Variants in TMEM117 observed in about 807,000 individuals in gnomAD.
The protein encoded by TMEM117 is transmembrane protein 117.
Under a neutral mutation model 52.4 loss-of-function variants are expected in TMEM117, and 27 were observed. The ratio of observed to expected loss-of-function variants is 0.51; its 90% CI spans 0.38 to 0.71. TMEM117 has a LOEUF of 0.71. Ranked by LOEUF, TMEM117 falls within the 30% of genes least tolerant of loss-of-function variation. The probability of loss-of-function intolerance (pLI) is 0.00; values close to 1 mark genes in which losing one functional copy is unlikely to be tolerated. For missense variants in TMEM117, 556 were observed against 630.5 expected (o/e 0.88, Z 1.26); for synonymous variants, 215 against 206.3 (o/e 1.04, Z -0.36).
intron 7 of TMEM117, among the ~76,000 whole-genome samples, chr12:44,379,698 A>C (rs929407531): frequency 6.6e-6 from 1 of 152,190 alleles, no homozygotes; most frequent in African/African-American, 2.4e-5. Flanking sequence ...AAATTTCCAA[A>C]ATACTGTGCT....
At position 44,210,013 on chromosome 12, in the gene TMEM117, A is replaced by G. The variant is rs559791319; in HGVS notation, c.511-1277A>G. 2.0e-5 allele frequency among the ~76,000 whole-genome samples: 3 copies of G among 152,244 alleles called. No homozygotes were observed. In the South Asian group the frequency reaches 6.2e-4, roughly 32 times the overall value. ...TAAATGATTAAATTTCACCCATTTC[A>G]AGGCCACTGTTCAAAGCTATACTCA... On this transcript the variant is annotated intron_variant, in intron 4 of 7. Coordinates refer to ENST00000266534, the MANE Select transcript of TMEM117 (RefSeq NM_032256.3).
chr12:43,914,355 G>A (rs1175219658), intron 2 of TMEM117, among the ~76,000 whole-genome samples: 1 of 152,012 alleles, frequency 6.6e-6, no homozygotes, highest in East Asian at 1.9e-4. Context: ...TAATGAACCC[G>A]CTCCTCAGTC....
intron 2 of TMEM117, among the ~76,000 whole-genome samples, chr12:43,892,758 T>C (rs1944130699): frequency 6.6e-6 from 1 of 152,238 alleles, no homozygotes; most frequent in African/African-American, 2.4e-5. Context: ...AATCCTGTCA[T>C]GTTTTGATCT....
intron 2 of TMEM117, among the ~76,000 whole-genome samples, chr12:43,925,149 C>A (rs986046998): frequency 4.6e-5 from 7 of 152,104 alleles, no homozygotes; most frequent in Non-Finnish European, 8.8e-5. Flanking sequence ...ATAACTTTCA[C>A]AACCTACCCT....
At chr12:44,211,207 A>G (rs1015965378) in intron 4 of TMEM117, 83 bp from the exon 5 acceptor site, 7 of 921,442 alleles carry the variant, frequency 7.6e-6, no homozygotes, top group African/African-American at 3.4e-5. Flanking sequence ...TCTGTTCTCA[A>G]TAGAATGTAA....
At chr12:44,384,435 C>T (rs1033040979) in intron 7 of TMEM117, among the ~76,000 whole-genome samples, 2 of 152,054 alleles carry the variant, frequency 1.3e-5, no homozygotes, top group African/African-American at 4.8e-5. Context: ...CCCACATGGC[C>T]TCTCTTCTGT....
chr12:43,944,210 G>A lies in TMEM117; in HGVS notation c.278G>A (p.Gly93Asp). The change falls in exon 3 of 8, where the codon GGT (glycine) becomes GAT (aspartate). Residue 93 changes from glycine to aspartate, a missense_variant and splice_region_variant. By Grantham distance (94) the Gly-to-Asp change is moderately conservative. Coordinates refer to ENST00000266534, the MANE Select transcript of TMEM117 (RefSeq NM_032256.3). ...GKFLFHQRLFGQLLRLKMFRE... is the reference protein window; with the variant it reads ...GKFLFHQRLFDQLLRLKMFRE... The stretch of plus-strand genomic sequence containing the variant: ...ATTTTTAATAATATTTGTATTTCAG[G>A]TCAGTTGCTCCGATTAAAAATGTTT... 1 of 1,607,690 alleles carries A rather than the reference G, an allele frequency of 6.2e-7. No individual in the cohort carries two copies. The highest frequency in any genetic ancestry group is 8.5e-7 in the Non-Finnish European group (1 of 1,177,716).
chr12:44,139,022 A>G (rs1055997046), intron 3 of TMEM117, among the ~76,000 whole-genome samples: 2 of 152,140 alleles, frequency 1.3e-5, no homozygotes, highest in Admixed American at 1.3e-4. Context: ...AGTGTGTTTA[A>G]TGCAGACCTG....
intron 3 of TMEM117, among the ~76,000 whole-genome samples, chr12:44,052,316 G>T (rs544587410): frequency 2.0e-5 from 3 of 151,986 alleles, no homozygotes; most frequent in Non-Finnish European, 2.9e-5. Context: ...TATTTATCTG[G>T]TTACTTTTAG....
At chr12:44,124,036 A>G (rs1465987049) in intron 3 of TMEM117, among the ~76,000 whole-genome samples, 12 of 132,576 alleles carry the variant, frequency 9.1e-5, no homozygotes, top group Admixed American at 8.2e-4. Context: ...ATCCATGAGC[A>G]TGGAATTTTT....
intron 5 of TMEM117, among the ~76,000 whole-genome samples, chr12:44,261,697 G>T (rs1007792592): frequency 6.6e-6 from 1 of 152,096 alleles, no homozygotes; most frequent in Admixed American, 6.6e-5. Flanking sequence ...ATGACATTTC[G>T]CTTATAAAGA....
intron 2 of TMEM117, among the ~76,000 whole-genome samples, chr12:43,898,042 ACGCACG>A (rs138466246): frequency 2.5e-4 from 33 of 133,350 alleles, no homozygotes; most frequent in African/African-American, 9.8e-4. Flanking sequence ...ACACACACAC[ACGCACG>A]CACACACACA....
intron 2 of TMEM117, among the ~76,000 whole-genome samples, chr12:43,874,933 T>G (rs1323902643): frequency 6.6e-6 from 1 of 152,208 alleles, no homozygotes; most frequent in Non-Finnish European, 1.5e-5. Context: ...CTGAAATCCC[T>G]CTGGGGATGC....
rs569615467 is a variant in TMEM117 at position 44,194,117 on chromosome 12, CT to C, written c.511-17169del. Among the ~76,000 whole-genome samples the C allele has an allele frequency of 2.4e-3, 362 of 152,190 alleles. 1 individual carries two copies. Among genetic ancestry groups the C allele is most frequent in the African/African-American group, 8.2e-3 (339 of 41,528 alleles). ...CCATTTGAAAATGACCCAAACAGCA[CT>C]TTTAGGAATACAAATTTTAAATGAT... On this transcript the variant is annotated intron_variant, in intron 4 of 7. Coordinates refer to ENST00000266534, the MANE Select transcript of TMEM117 (RefSeq NM_032256.3).
intron 3 of TMEM117, among the ~76,000 whole-genome samples, chr12:44,108,276 A>G (rs1279718846): frequency 6.8e-6 from 1 of 147,350 alleles, no homozygotes; most frequent in African/African-American, 2.5e-5. Context: ...ACATATGTAT[A>G]CATGTGCCAT....
intron 5 of TMEM117, among the ~76,000 whole-genome samples, chr12:44,276,578 A>G (rs941049293): frequency 6.6e-6 from 1 of 152,080 alleles, no homozygotes; most frequent in Non-Finnish European, 1.5e-5. Context: ...ATACCATGGT[A>G]CCTATAGTTA....
intron 3 of TMEM117, among the ~76,000 whole-genome samples, chr12:44,086,337 CTGAG>C (rs201725923): frequency 0.012 from 1,835 of 151,742 alleles, 30 homozygotes; most frequent in African/African-American, 0.042. Context: ...CCTCAGCTTC[CTGAG>C]TAAGTGTGAC....
At chr12:44,285,695 T>A (rs1238790562) in intron 5 of TMEM117, among the ~76,000 whole-genome samples, 1 of 152,178 alleles carries the variant, frequency 6.6e-6, no homozygotes, top group East Asian at 1.9e-4. Context: ...CTTGAGTACA[T>A]GAGTGGTGAT....
chr12:44,270,065 G>A (rs1431532188), intron 5 of TMEM117, among the ~76,000 whole-genome samples: 2 of 152,046 alleles, frequency 1.3e-5, no homozygotes, highest in Non-Finnish European at 2.9e-5. Flanking sequence ...ATTTTTCAGT[G>A]TTATTTCACA....
Sources: allele counts gnomAD v4.1 joint callset (sites outside exome capture counted in the v4.1 genomes callset), GRCh38; gene constraint gnomAD v4.1.1; transcripts MANE v1.5; gene names NCBI Gene and HGNC (gene_info 2026-07-23, HGNC 2026-07-21).